Variants in KCNMB4 observed in about 807,000 individuals in gnomAD.
The protein encoded by KCNMB4 is potassium calcium-activated channel subfamily M regulatory beta subunit 4.
A neutral mutation model predicts 20.7 loss-of-function variants in KCNMB4; 3 were observed. The ratio of observed to expected loss-of-function variants is 0.14; its 90% confidence interval spans 0.07 to 0.37. The LOEUF is 0.37. Among genes scored for constraint, KCNMB4 ranks in the 10% least tolerant of loss-of-function variants. The pLI is 1.00. For missense variants in KCNMB4, 168 were observed against 265.9 expected, an observed-to-expected ratio of 0.63 and a Z score of 2.56; for synonymous variants, 110 against 113.4, an observed-to-expected ratio of 0.97 and a Z score of 0.19.
chr12:70,418,684 C>T (rs775823775), intron 2 of KCNMB4, among the ~76,000 whole-genome samples: 39 of 152,014 alleles, frequency 2.6e-4, no homozygotes, highest in Non-Finnish European at 5.1e-4. Context: ...GTTTCTTGAC[C>T]TCCTTTTAAA....
intron 1 of KCNMB4, among the ~76,000 whole-genome samples, chr12:70,370,401 T>C (rs1354445552): frequency 4.0e-5 from 6 of 151,124 alleles, no homozygotes; most frequent in African/African-American, 1.2e-4. Context: ...TCCGCCTCCC[T>C]GGTTCATGCC....
intron 2 of KCNMB4, among the ~76,000 whole-genome samples, chr12:70,408,195 G>A (rs1186598078): frequency 1.3e-5 from 2 of 152,110 alleles, no homozygotes; most frequent in Non-Finnish European, 2.9e-5. Context: ...GAAGGCAGGC[G>A]TTCGGAGTTT....
intron 2 of KCNMB4, among the ~76,000 whole-genome samples, chr12:70,424,707 G>A (rs1451960042): frequency 6.6e-6 from 1 of 151,946 alleles, no homozygotes; most frequent in Non-Finnish European, 1.5e-5. Context: ...CCGAGATCGT[G>A]CCACTGCACT....
At chr12:70,408,630 C>T (rs2136134273) in intron 2 of KCNMB4, among the ~76,000 whole-genome samples, 1 of 152,206 alleles carries the variant, frequency 6.6e-6, no homozygotes, top group East Asian at 1.9e-4. Flanking sequence ...TCTCTACACC[C>T]AGGAAGGATT....
At chr12:70,375,607 C>G (rs1883671675) in intron 1 of KCNMB4, among the ~76,000 whole-genome samples, 1 of 152,084 alleles carries the variant, frequency 6.6e-6, no homozygotes, top group Non-Finnish European at 1.5e-5. Context: ...CCACTGTAAT[C>G]CAGCCTAGGG....
intron 1 of KCNMB4, among the ~76,000 whole-genome samples, chr12:70,377,818 C>A (rs543605718): frequency 1.3e-5 from 2 of 152,290 alleles, no homozygotes; most frequent in East Asian, 3.9e-4. Flanking sequence ...GAAGTGGAGT[C>A]CATCTCAAGA....
At chr12:70,399,972 C>T (rs1370134390) in intron 1 of KCNMB4, among the ~76,000 whole-genome samples, 1 of 152,160 alleles carries the variant, frequency 6.6e-6, no homozygotes, top group Non-Finnish European at 1.5e-5. Flanking sequence ...AATACCCTTA[C>T]ACCATAATGA....
intron 1 of KCNMB4, among the ~76,000 whole-genome samples, chr12:70,398,205 G>A (rs930725169): frequency 2.6e-5 from 4 of 151,986 alleles, no homozygotes; most frequent in Admixed American, 6.6e-5. Flanking sequence ...GATCTCTTCT[G>A]GGAAAAATAC....
intron 2 of KCNMB4, among the ~76,000 whole-genome samples, chr12:70,405,670 C>T (rs1019984399): frequency 6.6e-6 from 1 of 152,188 alleles, no homozygotes; most frequent in East Asian, 1.9e-4. Context: ...AGGATCTTGA[C>T]TCTTCAAGAT....
chr12:70,424,710 A>G (rs1485448844), intron 2 of KCNMB4, among the ~76,000 whole-genome samples: 1 of 152,078 alleles, frequency 6.6e-6, no homozygotes, highest in Non-Finnish European at 1.5e-5. Context: ...AGATCGTGCC[A>G]CTGCACTCCA....
intron 2 of KCNMB4, among the ~76,000 whole-genome samples, chr12:70,409,894 G>A (rs11178226): frequency 0.15 from 22,996 of 151,960 alleles, 2,096 homozygotes; most frequent in Admixed American, 0.3. Flanking sequence ...GAACTATACA[G>A]GGCTTAGATT....
chr12:70,429,934 C>G (rs912693882), intron 2 of KCNMB4, among the ~76,000 whole-genome samples: 1 of 152,080 alleles, frequency 6.6e-6, no homozygotes, highest in African/African-American at 2.4e-5. Flanking sequence ...CAGCCATTGT[C>G]TGCTTATTAA....
intron 1 of KCNMB4, among the ~76,000 whole-genome samples, chr12:70,382,630 A>G (rs1017479125): frequency 6.6e-6 from 1 of 152,010 alleles, no homozygotes; most frequent in Non-Finnish European, 1.5e-5. Context: ...AAACTTACAC[A>G]TTTTTTTGAA....
chr12:70,367,198 CTG>C, intron 1 of KCNMB4, 128 bp downstream of exon 1: 1 of 682,090 alleles, frequency 1.5e-6, no homozygotes, highest in Non-Finnish European at 2.3e-6. Context: ...GTGGCGCAGG[CTG>C]TGCTCAAACC....
intron 2 of KCNMB4, among the ~76,000 whole-genome samples, chr12:70,412,239 T>G (rs1391512085): frequency 6.6e-6 from 1 of 152,222 alleles, no homozygotes; most frequent in Non-Finnish European, 1.5e-5. Flanking sequence ...TTTTCTGATG[T>G]GAGTGCTGCT....
chr12:70,415,020 A>G (rs1183009377), intron 2 of KCNMB4, among the ~76,000 whole-genome samples: 29 of 152,172 alleles, frequency 1.9e-4, no homozygotes, highest in Admixed American at 1.8e-3. Context: ...ACATAGACCT[A>G]TTTCACTGCT....
intron 1 of KCNMB4, among the ~76,000 whole-genome samples, chr12:70,382,489 C>T: frequency 7.0e-6 from 1 of 143,052 alleles, no homozygotes; most frequent in South Asian, 2.3e-4. Context: ...TATGAAAGTA[C>T]TAAATAAAAT....
intron 1 of KCNMB4, among the ~76,000 whole-genome samples, chr12:70,391,238 A>T (rs1331702216): frequency 2.0e-5 from 3 of 152,184 alleles, no homozygotes; most frequent in Non-Finnish European, 4.4e-5. Flanking sequence ...GATCTCAGCC[A>T]CTGTCAAAGA....
At chr12:70,396,992 G>A (rs1212236601) in intron 1 of KCNMB4, among the ~76,000 whole-genome samples, 2 of 152,124 alleles carry the variant, frequency 1.3e-5, no homozygotes, top group East Asian at 1.9e-4. Flanking sequence ...TAGGCTTCAC[G>A]GTAACTTGAG....
Sources: allele counts gnomAD v4.1 joint callset (sites outside exome capture counted in the v4.1 genomes callset), GRCh38; gene constraint gnomAD v4.1.1; transcripts MANE v1.5; gene names NCBI Gene and HGNC (gene_info 2026-07-23, HGNC 2026-07-21).